Variants in MVP observed in about 807,000 individuals in gnomAD.
The protein encoded by MVP is lung resistance-related protein.
MVP carries 62 observed loss-of-function variants against 83.5 expected under a neutral mutation model. The ratio of observed to expected loss-of-function variants is 0.74; its 90% CI spans 0.61 to 0.92. The LOEUF is 0.92. Among genes scored for constraint, MVP ranks in the 40% least tolerant of loss-of-function variants. The pLI is 0.00. For missense variants in MVP, 1,000 were observed against 1,203.4 expected (o/e 0.83, Z 2.50); for synonymous variants, 505 against 504.1 (o/e 1.00, Z -0.02).
intron 6 of MVP, among the ~76,000 whole-genome samples, chr16:29,836,320 A>C (rs2067486901): frequency 6.6e-6 from 1 of 151,688 alleles, no homozygotes. Flanking sequence ...CATGCCTGTA[A>C]TCCTAGCATT....
intron 4 of MVP, 37 bp downstream of exon 4, chr16:29,833,893 T>G (rs2067464368): frequency 6.2e-7 from 1 of 1,613,960 alleles, no homozygotes; most frequent in African/African-American, 1.3e-5. Flanking sequence ...TGCCTTCCTG[T>G]CATAGCCCTG....
chr16:29,831,211 C>T (rs1402976383), intron 3 of MVP, 138 bp downstream of exon 3: 2 of 854,406 alleles, frequency 2.3e-6, no homozygotes, highest in East Asian at 5.4e-5. Flanking sequence ...GGCTGGAGTG[C>T]AGTGGCATAA....
intron 3 of MVP, among the ~76,000 whole-genome samples, chr16:29,832,136 A>G (rs2150753282): frequency 6.6e-6 from 1 of 152,244 alleles, no homozygotes; most frequent in South Asian, 2.1e-4. Flanking sequence ...TCCTGAAAGC[A>G]TAATAGCAGA....
chr16:29,847,003 T>C (rs1039858863), intron 13 of MVP, among the ~76,000 whole-genome samples, 194 bp from the exon 14 acceptor site: 2 of 151,892 alleles, frequency 1.3e-5, no homozygotes, highest in African/African-American at 4.8e-5. Context: ...CTGGGCAACA[T>C]AGCAAGACCT....
rs747299574 is a variant in MVP, at chr16:29,836,919, G to A, written c.870G>A (p.Pro290=). 116 of 1,613,730 alleles carry A rather than the reference G, an allele frequency of 7.2e-5. No individual in the cohort carries two copies. The highest frequency in any genetic ancestry group is 1.2e-4 in the Admixed American group (7 of 59,974). Residue 290 remains proline, a synonymous_variant, in exon 7 of 15, where the codon CCG becomes CCA. Transcript: ENST00000357402. ...NYCVILDPVG[P]DGKNQLGQKR... ...GCGTGATTCTCGACCCTGTCGGACC[G>A]GATGGCAAGAATCAGCTGGGGCAGA...
At chr16:29,834,707 TCTTG>T (rs1479864119) in intron 5 of MVP, 1 of 144,006 alleles carries the variant, frequency 6.9e-6, no homozygotes, top group African/African-American at 2.6e-5. Context: ...TGAGACGGAG[TCTTG>T]CTTTCTTGCT....
intron 7 of MVP, among the ~76,000 whole-genome samples, chr16:29,837,549 T>C (rs966301805): frequency 2.0e-5 from 3 of 151,696 alleles, no homozygotes; most frequent in African/African-American, 4.8e-5. Context: ...AGGTCAGGAG[T>C]TCGAGACTAG....
chr16:29,835,594 A>G (rs1040209317), intron 5 of MVP, 110 bp from the exon 6 acceptor site: 7 of 845,356 alleles, frequency 8.3e-6, no homozygotes, highest in African/African-American at 3.4e-5. Flanking sequence ...GGTCAGTGCT[A>G]TCTTTTTGCC....
intron 8 of MVP, among the ~76,000 whole-genome samples, chr16:29,840,669 C>T (rs1440275888): frequency 1.3e-5 from 2 of 152,110 alleles, no homozygotes; most frequent in East Asian, 1.9e-4. Flanking sequence ...CAACCAGGTG[C>T]GGTAGCTCAC....
chr16:29,846,107 G>T (rs564805979), intron 12 of MVP, 51 bp from the exon 13 acceptor site: 22 of 1,600,264 alleles, frequency 1.4e-5, no homozygotes, highest in South Asian at 1.2e-4. Flanking sequence ...CCAAGGCCGT[G>T]GGGGGACTGG....
At chr16:29,842,182 G>T in intron 10 of MVP, 70 bp downstream of exon 10, 2 of 1,479,026 alleles carry the variant, frequency 1.4e-6, no homozygotes, top group South Asian at 2.5e-5. Flanking sequence ...GAGGTGGGAG[G>T]ATCACTTGAG....
At chr16:29,840,113 G>A (rs748302554) in intron 7 of MVP, 65 bp from the exon 8 acceptor site, 48 of 1,506,620 alleles carry the variant, frequency 3.2e-5, no homozygotes, top group East Asian at 2.3e-5. Flanking sequence ...CAGGACTGGG[G>A]AGGTACCATT....
intron 10 of MVP, among the ~76,000 whole-genome samples, chr16:29,842,470 T>G (rs2067543685): frequency 6.6e-6 from 1 of 152,042 alleles, no homozygotes; most frequent in African/African-American, 2.4e-5. Context: ...CATGCCCAGC[T>G]AGTTTTGTAT....
chr16:29,835,659 G>A (rs1053682770), intron 5 of MVP, 45 bp from the exon 6 acceptor site: 5 of 1,538,936 alleles, frequency 3.2e-6, no homozygotes, highest in Non-Finnish European at 4.5e-6. Flanking sequence ...TAGGTGGGGA[G>A]CAGGCTGGGG....
chr16:29,847,720 G>T lies in MVP; in HGVS notation c.2455-42G>T, dbSNP rs547793338. On this transcript the variant is annotated intron_variant, in intron 14 of 14. Transcript: ENST00000357402. ...GGAGGGTCACTCTGAAGTGGCCAGG[G>T]TTTGACGCCCATCTCAACTTCCTCC... 7.5e-6 allele frequency: 12 copies of T among 1,590,806 alleles called. No individual in the cohort carries two copies. In the South Asian group the frequency reaches 1.3e-4, roughly 18 times the overall value.
intron 8 of MVP, among the ~76,000 whole-genome samples, chr16:29,840,750 T>C (rs2067528387): frequency 6.6e-6 from 1 of 152,154 alleles, no homozygotes; most frequent in Non-Finnish European, 1.5e-5. Context: ...AAGACTAGCC[T>C]GGCCAACATG....
chr16:29,847,190 C>T lies in MVP; in HGVS notation c.2266-7C>T, dbSNP rs769777000. On this transcript the variant is annotated splice_polypyrimidine_tract_variant and splice_region_variant and intron_variant, in intron 13 of 14. Transcript: ENST00000357402. ...AAATAAAGAATGATTGATTTTTCCTCTTCCAGGAGGCTGAGCTCCAGAGGG... is the reference window on the plus strand; with the variant it reads ...AAATAAAGAATGATTGATTTTTCCTTTTCCAGGAGGCTGAGCTCCAGAGGG... 2.5e-6 allele frequency: 4 copies of T among 1,612,184 alleles called. No individual in the cohort carries two copies. The highest frequency in any genetic ancestry group is 2.7e-5 in the African/African-American group (2 of 74,980).
At position 29,820,506 on chromosome 16, in the gene MVP, T is replaced by TAGA. The variant is rs1226732656; in HGVS notation, c.-39_-37dup. ...CGTTTGTTGCAGCTACCTGCACTTCTAGATGTGAGTACATTGTACTAGCCC... is the reference window on the plus strand; with the variant it reads ...CGTTTGTTGCAGCTACCTGCACTTCTAGAAGATGTGAGTACATTGTACTAGCCC... On this transcript the variant is annotated 5_prime_UTR_variant, in exon 1 of 15. Transcript: ENST00000357402. 1 of 152,272 alleles carries TAGA rather than the reference T, an allele frequency of 6.6e-6. No homozygotes were observed. The highest frequency in any genetic ancestry group is 2.4e-5 in the African/African-American group (1 of 41,440). The allele number at this position is 152,272 out of a possible 1,614,324, so 9.4% of individuals were successfully genotyped here.
intron 11 of MVP, among the ~76,000 whole-genome samples, chr16:29,845,645 G>GT (rs1247097471): frequency 3.9e-5 from 6 of 152,200 alleles, no homozygotes; most frequent in Non-Finnish European, 8.8e-5. Flanking sequence ...CTCAAGTGGC[G>GT]TGAAAGTAGG....
Sources: allele counts gnomAD v4.1 joint callset (sites outside exome capture counted in the v4.1 genomes callset), GRCh38; gene constraint gnomAD v4.1.1; transcripts MANE v1.5; gene names NCBI Gene and HGNC (gene_info 2026-07-23, HGNC 2026-07-21).